The following KCNH8 variants were observed in gnomAD, a reference collection of about 807,000 sequenced individuals.
KCNH8 encodes potassium voltage-gated channel subfamily H member 8.
KCNH8 carries 70 observed loss-of-function variants against 103.6 expected under a neutral mutation model. That is an observed-to-expected ratio of 0.68 (90% confidence interval 0.56 to 0.82). The LOEUF (loss-of-function observed/expected upper bound fraction) is 0.82. Among genes scored for constraint, KCNH8 ranks in the 40% least tolerant of loss-of-function variants. The pLI is 0.00. For synonymous variants in KCNH8, 498 were observed against 489.4 expected (o/e 1.02, Z -0.23); for missense variants, 1,217 against 1,329.9 (o/e 0.92, Z 1.32).
At chr3:19,352,766 C>A (rs1391856716) in intron 5 of KCNH8, among the ~76,000 whole-genome samples, 3 of 151,888 alleles carry the variant, frequency 2.0e-5, no homozygotes, top group African/African-American at 7.3e-5. Flanking sequence ...CACTAAATGC[C>A]CACAAGAGAA....
chr3:19,171,069 G>C (rs2063344375), intron 1 of KCNH8, among the ~76,000 whole-genome samples: 1 of 151,810 alleles, frequency 6.6e-6, no homozygotes, highest in East Asian at 1.9e-4. Flanking sequence ...AAAAGTGCTG[G>C]GATTACAGGC....
chr3:19,340,704 A>C (rs1391298399), intron 3 of KCNH8, among the ~76,000 whole-genome samples: 1 of 152,150 alleles, frequency 6.6e-6, no homozygotes, highest in Non-Finnish European at 1.5e-5. Context: ...AGTATATTGG[A>C]AGAAACTTGC....
intron 1 of KCNH8, among the ~76,000 whole-genome samples, chr3:19,201,037 G>T (rs1260516033): frequency 6.6e-6 from 1 of 151,390 alleles, no homozygotes; most frequent in African/African-American, 2.4e-5. Context: ...TTAGTGACCA[G>T]CCTGGCCAAC....
intron 3 of KCNH8, among the ~76,000 whole-genome samples, chr3:19,325,436 A>G (rs1040219874): frequency 6.6e-6 from 1 of 152,188 alleles, no homozygotes; most frequent in African/African-American, 2.4e-5. Context: ...TTTGCAAACT[A>G]TGCATCTAAC....
intron 1 of KCNH8, among the ~76,000 whole-genome samples, chr3:19,169,407 T>TACCACGCCC (rs2063318690): frequency 1.3e-5 from 2 of 151,976 alleles, no homozygotes; most frequent in Non-Finnish European, 2.9e-5. Context: ...TACAGGCGCC[T>TACCACGCCC]GGCTAATTTT....
intron 3 of KCNH8, among the ~76,000 whole-genome samples, chr3:19,331,458 AT>A: frequency 6.6e-6 from 1 of 151,602 alleles, no homozygotes; most frequent in Non-Finnish European, 1.5e-5. Context: ...CGCCTGGCTA[AT>A]TTTTTGTATT....
At chr3:19,513,372 T>C in intron 13 of KCNH8, 47 bp downstream of exon 13, 3 of 1,542,012 alleles carry the variant, frequency 1.9e-6, no homozygotes, top group Non-Finnish European at 2.6e-6. Flanking sequence ...GTGGCTGCCT[T>C]TTATACAGAG....
intron 5 of KCNH8, among the ~76,000 whole-genome samples, chr3:19,374,000 A>G (rs571382793): frequency 5.0e-4 from 76 of 152,210 alleles, no homozygotes; most frequent in Middle Eastern, 3.4e-3. Flanking sequence ...CTGTTCTTTT[A>G]CATTTGCTGA....
intron 3 of KCNH8, among the ~76,000 whole-genome samples, chr3:19,283,910 C>G (rs910194476): frequency 8.2e-5 from 12 of 147,134 alleles, no homozygotes; most frequent in Non-Finnish European, 1.6e-4. Flanking sequence ...CTCCTGCACT[C>G]TAGCCTGGGT....
In KCNH8 at chr3:19,207,144, T is replaced by A. The variant is rs2063725431; in HGVS notation, c.77-46510T>A. On this transcript the variant is annotated intron_variant, in intron 1 of 15. Transcript: ENST00000328405. ...AAACAAGTGGGCCGGCAATTGAACTTTTGGGAACATAAATAGAAGAGTATA... is the reference window on the plus strand; with the variant it reads ...AAACAAGTGGGCCGGCAATTGAACTATTGGGAACATAAATAGAAGAGTATA... Among the ~76,000 whole-genome samples the A allele has an allele frequency of 2.0e-5, 3 of 151,878 alleles. No individual in the cohort carries two copies. In the Admixed American group the frequency reaches 2.0e-4, roughly 10 times the overall value.
At chr3:19,404,208 A>G (rs188810363) in intron 7 of KCNH8, among the ~76,000 whole-genome samples, 174 of 152,010 alleles carry the variant, frequency 1.1e-3, no homozygotes, top group African/African-American at 4.0e-3. Context: ...GCATGCTTCC[A>G]TCTTCTAGCT....
intron 2 of KCNH8, among the ~76,000 whole-genome samples, chr3:19,261,895 T>A (rs1412894044): frequency 6.6e-6 from 1 of 151,888 alleles, no homozygotes; most frequent in African/African-American, 2.4e-5. Flanking sequence ...CTTTTTGATG[T>A]CCTTGTCAAA....
At chr3:19,499,840 A>G (rs2068535578) in intron 11 of KCNH8, among the ~76,000 whole-genome samples, 1 of 152,186 alleles carries the variant, frequency 6.6e-6, no homozygotes, top group Non-Finnish European at 1.5e-5. Context: ...AAATCATGCC[A>G]AAAAGTAAAG....
intron 7 of KCNH8, among the ~76,000 whole-genome samples, chr3:19,401,415 G>A (rs766409872): frequency 1.3e-5 from 2 of 151,946 alleles, no homozygotes; most frequent in Non-Finnish European, 2.9e-5. Flanking sequence ...ATGGACAAAG[G>A]AGGTCTATCT....
intron 3 of KCNH8, among the ~76,000 whole-genome samples, chr3:19,335,291 C>T (rs2065567387): frequency 6.6e-6 from 1 of 151,576 alleles, no homozygotes; most frequent in South Asian, 2.1e-4. Context: ...TATATTGATT[C>T]CCTAAAAGGG....
Position 19,490,335 on chromosome 3 carries a change from C to T in KCNH8, c.2041-20028C>T, listed in dbSNP as rs1020537787. Among the ~76,000 whole-genome samples, 4 of 152,304 alleles carry T rather than the reference C, an allele frequency of 2.6e-5. 1 individual carries two copies. The highest frequency in any genetic ancestry group is 6.8e-3 in the Middle Eastern group (2 of 294). ...TCTGCAGACTCACATCTCCAAAAAC[C>T]GAGCTCCCCGAGTGAGCAATTACTG... On this transcript the variant is annotated intron_variant, in intron 11 of 15. Transcript: ENST00000328405.
At chr3:19,170,689 TAC>T (rs1002647593) in intron 1 of KCNH8, among the ~76,000 whole-genome samples, 5 of 142,328 alleles carry the variant, frequency 3.5e-5, no homozygotes, top group East Asian at 2.0e-4. Flanking sequence ...CACACATATA[TAC>T]ACACATATAT....
At chr3:19,249,492 A>G (rs1335060331) in intron 1 of KCNH8, among the ~76,000 whole-genome samples, 4 of 152,212 alleles carry the variant, frequency 2.6e-5, no homozygotes, top group African/African-American at 9.6e-5. Flanking sequence ...ATTTGCAGAA[A>G]GAATTAACCA....
At chr3:19,395,460 CAAGT>C in intron 7 of KCNH8, 149 bp downstream of exon 7, 1 of 568,534 alleles carries the variant, frequency 1.8e-6, no homozygotes. Flanking sequence ...ATCCATGACA[CAAGT>C]AATTTATTTC....
Sources: gnomAD v4.1 joint callset for allele counts (sites outside exome capture counted in the v4.1 genomes callset) on GRCh38, gnomAD v4.1.1 for gene constraint, MANE v1.5 for transcripts, NCBI Gene and HGNC (gene_info 2026-07-23, HGNC 2026-07-21) for gene names.